Variants in CLVS1 observed in about 807,000 individuals in gnomAD.
CLVS1 encodes clavesin 1.
A neutral mutation model predicts 33.1 loss-of-function variants in CLVS1; 10 were observed. The ratio of observed to expected loss-of-function variants is 0.30; its 90% CI spans 0.19 to 0.51. The LOEUF (loss-of-function observed/expected upper bound fraction) is 0.51. CLVS1 is among the 20% of genes least tolerant of loss of function. CLVS1 has a pLI of 0.97. For missense variants in CLVS1, 343 were observed against 433.4 expected (o/e 0.79, Z 1.85); for synonymous variants, 163 against 166.1 (o/e 0.98, Z 0.14).
At chr8:61,184,615 G>C (rs1336733260) in intron 2 of CLVS1, among the ~76,000 whole-genome samples, 1 of 152,256 alleles carries the variant, frequency 6.6e-6, no homozygotes, top group East Asian at 1.9e-4. Context: ...GAGAGAAAAC[G>C]GTAGGCTGGA....
chr8:61,501,519 C>T lies in CLVS1; in HGVS notation c.*1977C>T, dbSNP rs1258870430. 1 of 152,084 alleles carries T rather than the reference C, an allele frequency of 6.6e-6. No homozygotes were observed. Among genetic ancestry groups the T allele is most frequent in the Non-Finnish European group, 1.5e-5 (1 of 68,004 alleles). The allele number at this position is 152,084 out of a possible 1,614,324, so 9.4% of individuals were successfully genotyped here. A position where few individuals can be genotyped will look rare whatever the true frequency, so the allele number is the denominator to read the frequency against. On this transcript the variant is annotated 3_prime_UTR_variant, in exon 6 of 6. Coordinates refer to ENST00000325897, the MANE Select transcript of CLVS1 (RefSeq NM_173519.3). The stretch of plus-strand genomic sequence containing the variant: ...TTTGAATTTATGTGTATGCAATATA[C>T]ATATGAGAACCAAATTCAACAAGTG...
At chr8:60,986,890 G>A in the CLVS1 span, among the ~76,000 whole-genome samples, 1 of 152,194 alleles carries the variant, frequency 6.6e-6, no homozygotes, top group Non-Finnish European at 1.5e-5. Flanking sequence ...AACTGAATAA[G>A]AGGCATGACT....
In CLVS1 at chr8:61,299,962, C is replaced by A; in HGVS notation, c.135C>A (p.Asn45Lys). The A allele has an allele frequency of 6.2e-7, 1 of 1,613,954 alleles. No homozygotes were observed. The highest frequency in any genetic ancestry group is 8.5e-7 in the Non-Finnish European group (1 of 1,179,946). Residue 45 changes from asparagine to lysine, a missense_variant, in exon 2 of 6, where the codon AAC (asparagine) becomes AAA (lysine). Physicochemically the swap from Asn to Lys is moderately conservative, Grantham distance 94. Transcript: ENST00000325897. ...IEKARLELNE[N>K]PDVLHQDIQQ... ...AAGCTCGCCTGGAACTGAATGAAAA[C>A]CCCGATGTTTTACATCAGGATATTC...
chr8:60,968,589 T>C, the CLVS1 span, among the ~76,000 whole-genome samples: 2 of 151,940 alleles, frequency 1.3e-5, no homozygotes, highest in African/African-American at 4.8e-5. Flanking sequence ...AATATTGTTA[T>C]GTTTGTTAGG....
At chr8:61,095,768 A>G (rs545111180) in intron 1 of CLVS1, among the ~76,000 whole-genome samples, 2 of 152,120 alleles carry the variant, frequency 1.3e-5, no homozygotes, top group Non-Finnish European at 2.9e-5. Context: ...TGGGATTTTT[A>G]TTTTTAATGC....
chr8:61,170,976 T>C (rs1467846162), intron 2 of CLVS1, among the ~76,000 whole-genome samples: 1 of 152,228 alleles, frequency 6.6e-6, no homozygotes, highest in African/African-American at 2.4e-5. Context: ...TGTTTATTTT[T>C]GGTAAAAGAT....
intron 3 of CLVS1, among the ~76,000 whole-genome samples, chr8:61,410,101 G>T: frequency 7.1e-6 from 1 of 140,672 alleles, no homozygotes. Context: ...TTTTTGCTAG[G>T]TAAAAGGATA....
intron 2 of CLVS1, among the ~76,000 whole-genome samples, chr8:61,156,679 TAAAC>T (rs1266181291): frequency 1.3e-5 from 2 of 152,226 alleles, no homozygotes; most frequent in Non-Finnish European, 2.9e-5. Context: ...GGAAAATTTT[TAAAC>T]AAACCTTCAA....
intron 2 of CLVS1, among the ~76,000 whole-genome samples, chr8:61,368,176 A>C (rs1029522807): frequency 2.0e-5 from 3 of 152,230 alleles, no homozygotes; most frequent in African/African-American, 7.2e-5. Context: ...ATTAACTGTA[A>C]ATGGTGAGTT....
At chr8:61,335,739 G>A (rs1397416735) in intron 2 of CLVS1, among the ~76,000 whole-genome samples, 3 of 152,148 alleles carry the variant, frequency 2.0e-5, no homozygotes, top group Non-Finnish European at 4.4e-5. Context: ...TCAAACTCCT[G>A]CTTTATTCTT....
At chr8:61,376,178 G>A (rs1451291323) in intron 2 of CLVS1, among the ~76,000 whole-genome samples, 4 of 152,168 alleles carry the variant, frequency 2.6e-5, no homozygotes, top group African/African-American at 4.8e-5. Flanking sequence ...TCTGATTGAG[G>A]CCTCACCTCA....
At chr8:61,104,306 T>G (rs1805498255) in intron 1 of CLVS1, among the ~76,000 whole-genome samples, 1 of 152,212 alleles carries the variant, frequency 6.6e-6, no homozygotes, top group Non-Finnish European at 1.5e-5. Context: ...TTCAAAGACC[T>G]TGAGCTGAAA....
At chr8:61,243,137 AT>A (rs1239734883) in intron 2 of CLVS1, among the ~76,000 whole-genome samples, 2 of 152,218 alleles carry the variant, frequency 1.3e-5, no homozygotes, top group African/African-American at 4.8e-5. Context: ...CAGGAAATTA[AT>A]TTGGATAGAC....
chr8:61,282,268 G>A (rs1473064052), intron 2 of CLVS1, among the ~76,000 whole-genome samples: 1 of 152,196 alleles, frequency 6.6e-6, no homozygotes, highest in Non-Finnish European at 1.5e-5. Flanking sequence ...AGTGGCAGTA[G>A]GCAGAAGGCT....
chr8:61,067,388 AT>A (rs1397793006), intron 1 of CLVS1, among the ~76,000 whole-genome samples: 8 of 149,588 alleles, frequency 5.3e-5, no homozygotes, highest in African/African-American at 1.7e-4. Flanking sequence ...TACATATATA[AT>A]TGTATTATAT....
chr8:61,139,164 G>T (rs983132901), intron 2 of CLVS1, among the ~76,000 whole-genome samples: 2 of 152,194 alleles, frequency 1.3e-5, no homozygotes, highest in South Asian at 4.1e-4. Context: ...CGCGGGCAGT[G>T]AGGGGCTCAT....
At chr8:61,205,106 A>G (rs529801555) in intron 2 of CLVS1, among the ~76,000 whole-genome samples, 5 of 152,372 alleles carry the variant, frequency 3.3e-5, no homozygotes, top group Non-Finnish European at 7.3e-5. Flanking sequence ...TGCTGTTTAA[A>G]AATTTTAAAA....
intron 1 of CLVS1, among the ~76,000 whole-genome samples, chr8:61,074,855 C>T (rs558019355): frequency 3.3e-5 from 5 of 152,050 alleles, no homozygotes; most frequent in African/African-American, 1.2e-4. Flanking sequence ...TGAATACATA[C>T]CCTTGGAATT....
At chr8:61,433,968 C>T (rs1039380598) in intron 3 of CLVS1, among the ~76,000 whole-genome samples, 1 of 151,116 alleles carries the variant, frequency 6.6e-6, no homozygotes, top group Non-Finnish European at 1.5e-5. Flanking sequence ...TGTAGATGGG[C>T]TAGAAGAGGG....
Sources: gnomAD v4.1 joint callset for allele counts (sites outside exome capture counted in the v4.1 genomes callset) on GRCh38, gnomAD v4.1.1 for gene constraint, MANE v1.5 for transcripts, NCBI Gene and HGNC (gene_info 2026-07-23, HGNC 2026-07-21) for gene names.